ALDH1L1: variants seen among roughly 807,000 people sequenced by gnomAD.
ALDH1L1 encodes cytosolic 10-formyltetrahydrofolate dehydrogenase.
Under a neutral mutation model 101.1 loss-of-function variants are expected in ALDH1L1, and 68 were observed. The ratio of observed to expected loss-of-function variants is 0.67; its 90% CI spans 0.55 to 0.82. The LOEUF is 0.82. ALDH1L1 is among the 40% of genes least tolerant of loss of function. The probability of loss-of-function intolerance (pLI) is 0.00; values close to 1 mark genes in which losing one functional copy is unlikely to be tolerated. For missense variants in ALDH1L1, 1,087 were observed against 1,172.7 expected, an observed-to-expected ratio of 0.93 and a Z score of 1.07; for synonymous variants, 486 against 470.8, an observed-to-expected ratio of 1.03 and a Z score of -0.42.
chr3:126,150,389 C>CTGAAGT lies in ALDH1L1; in HGVS notation c.984+11_984+16dup. On this transcript the variant is annotated intron_variant, in intron 8 of 22. Coordinates refer to ENST00000393434, the MANE Select transcript of ALDH1L1 (RefSeq NM_012190.4). The stretch of plus-strand genomic sequence containing the variant: ...CAACCTGCCCAACTGGATGGCAGCC[C>CTGAAGT]TGAAGTTGCCTCTTACCCGCACAGC... The CTGAAGT allele has an allele frequency of 1.9e-6, 3 of 1,549,780 alleles. No individual in the cohort carries two copies. The highest frequency in any genetic ancestry group is 1.7e-6 in the Non-Finnish European group (2 of 1,146,230).
chr3:126,106,062 G>T, intron 21 of ALDH1L1, 137 bp from the exon 22 acceptor site: 1 of 900,862 alleles, frequency 1.1e-6, no homozygotes, highest in Non-Finnish European at 1.6e-6. Context: ...CAGCGCCGGG[G>T]GCAAGATTGG....
At chr3:126,178,762 GTGTGTC>G (rs1188995215) in intron 1 of ALDH1L1, among the ~76,000 whole-genome samples, 2 of 151,534 alleles carry the variant, frequency 1.3e-5, no homozygotes, top group African/African-American at 4.9e-5. Context: ...GTGTGTGTGT[GTGTGTC>G]TGTGTGTGCA....
intron 14 of ALDH1L1, chr3:126,129,478 G>T (rs554462999): frequency 1.3e-5 from 2 of 152,600 alleles, no homozygotes; most frequent in African/African-American, 2.4e-5. Flanking sequence ...GCGCAGTGAG[G>T]GTGGACCCAG....
intron 13 of ALDH1L1, among the ~76,000 whole-genome samples, chr3:126,130,907 G>C (rs2080287320): frequency 6.6e-6 from 1 of 152,216 alleles, no homozygotes; most frequent in Non-Finnish European, 1.5e-5. Context: ...CCTAAGGTGG[G>C]GACATAGTGC....
chr3:126,157,147 G>A (rs1420073936), intron 4 of ALDH1L1, among the ~76,000 whole-genome samples, 196 bp downstream of exon 4: 3 of 152,282 alleles, frequency 2.0e-5, no homozygotes, highest in Non-Finnish European at 4.4e-5. Context: ...TCCGTTGTGA[G>A]CAAGATTCCC....
chr3:126,177,775 C>T (rs2081390123), intron 1 of ALDH1L1, among the ~76,000 whole-genome samples: 1 of 152,204 alleles, frequency 6.6e-6, no homozygotes, highest in South Asian at 2.1e-4. Flanking sequence ...CCTGGTGGCT[C>T]ACACCTGTAA....
chr3:126,146,348 G>A (rs2080679689), intron 9 of ALDH1L1, among the ~76,000 whole-genome samples: 1 of 152,146 alleles, frequency 6.6e-6, no homozygotes, highest in African/African-American at 2.4e-5. Flanking sequence ...GCCCCCAGCT[G>A]ACCTGGCAGA....
intron 7 of ALDH1L1, chr3:126,153,235 C>T (rs2080839218): frequency 2.8e-6 from 2 of 720,500 alleles, no homozygotes; most frequent in Admixed American, 4.5e-5. Context: ...CCAGCTTTCC[C>T]AGAACAGAGA....
At chr3:126,110,157 C>G in intron 19 of ALDH1L1, 48 bp from the exon 20 acceptor site, 1 of 1,605,600 alleles carries the variant, frequency 6.2e-7, no homozygotes, top group Non-Finnish European at 8.5e-7. Context: ...GCCACAGTTT[C>G]TGACAATGAT....
At chr3:126,157,548 G>C (rs375620773) in intron 3 of ALDH1L1, 40 bp from the exon 4 acceptor site, 2 of 1,597,250 alleles carry the variant, frequency 1.3e-6, no homozygotes, top group South Asian at 2.3e-5. Context: ...CCACGATGAA[G>C]GGCCACGGAG....
rs2080417953 is a variant in ALDH1L1 at position 126,135,532 on chromosome 3, C to G, written c.1472+3G>C. The G allele has an allele frequency of 6.2e-7, 1 of 1,606,376 alleles. No homozygotes were observed. The highest frequency in any genetic ancestry group is 1.3e-5 in the African/African-American group (1 of 74,756). On this transcript the variant is annotated splice_donor_region_variant and intron_variant, in intron 12 of 22. Coordinates refer to ENST00000393434, the MANE Select transcript of ALDH1L1 (RefSeq NM_012190.4). Reference sequence around the variant, plus strand: ...GGCTGGCAGGTACATGTTGGGCTCCCACCTGTACATCAGCCGGCCCCGGTC... The same window carrying G: ...GGCTGGCAGGTACATGTTGGGCTCCGACCTGTACATCAGCCGGCCCCGGTC...
intron 5 of ALDH1L1, among the ~76,000 whole-genome samples, chr3:126,155,075 C>A (rs987143774): frequency 3.3e-5 from 5 of 152,178 alleles, no homozygotes; most frequent in Admixed American, 6.5e-5. Context: ...GTCCCTCACA[C>A]CTTGCCTTGA....
In ALDH1L1 at chr3:126,136,824, C is replaced by A. The variant is rs760711067; in HGVS notation, c.1284G>T (p.Gly428=). ...TGGCGCCCTCGGCATCCACGAACTC[C>A]CCCCCAATGAAGAGCTGGTGGGGCA... ...VRMPHQLFIG[G]EFVDAEGAKT... The change falls in exon 11 of 23, where the codon GGG becomes GGT. Residue 428 remains glycine (G), a synonymous_variant. Coordinates refer to ENST00000393434, the MANE Select transcript of ALDH1L1 (RefSeq NM_012190.4). 2.5e-6 allele frequency: 4 copies of A among 1,609,182 alleles called. No individual in the cohort carries two copies. The African/African-American group carries it at 4.0e-5, about 16-fold the overall frequency.
Position 126,157,687 on chromosome 3 carries a change from G to A in ALDH1L1, c.363-179C>T, listed in dbSNP as rs551562285. On this transcript the variant is annotated intron_variant, in intron 3 of 22. Coordinates refer to ENST00000393434, the MANE Select transcript of ALDH1L1 (RefSeq NM_012190.4). ...CAGCATGTATTGATAACAACCATGG[G>A]CCAGGAATTGTGCTAAAAGCTCTAT... is the stretch of plus-strand genomic sequence containing the variant. Among the ~76,000 whole-genome samples the A allele has an allele frequency of 2.0e-5, 3 of 152,296 alleles. No individual in the cohort carries two copies. The South Asian group carries it at 6.2e-4, about 32-fold the overall frequency.
intron 14 of ALDH1L1, among the ~76,000 whole-genome samples, chr3:126,127,773 G>A (rs149400929): frequency 9.2e-5 from 14 of 152,328 alleles, no homozygotes; most frequent in Admixed American, 5.9e-4. Flanking sequence ...GGGTGGACCC[G>A]GGGCTGGGGC....
At chr3:126,178,445 C>T (rs753843912) in intron 1 of ALDH1L1, among the ~76,000 whole-genome samples, 11 of 149,402 alleles carry the variant, frequency 7.4e-5, no homozygotes, top group Middle Eastern at 3.5e-3. Flanking sequence ...TAGGAGAAAG[C>T]GCGCAGGAAG....
chr3:126,131,355 C>A, intron 13 of ALDH1L1, 29 bp downstream of exon 13: 1 of 1,565,702 alleles, frequency 6.4e-7, no homozygotes, highest in South Asian at 1.2e-5. Context: ...TCTGCATGTG[C>A]TCACACTGGG....
chr3:126,157,213 G>T, intron 4 of ALDH1L1, 130 bp downstream of exon 4: 1 of 1,143,020 alleles, frequency 8.7e-7, no homozygotes, highest in Non-Finnish European at 1.2e-6. Flanking sequence ...TGAAGTGAGA[G>T]CTCCTCTCCC....
chr3:126,173,307 G>A (rs990380926), intron 1 of ALDH1L1, among the ~76,000 whole-genome samples: 1 of 152,104 alleles, frequency 6.6e-6, no homozygotes, highest in Non-Finnish European at 1.5e-5. Flanking sequence ...AATAAGGCAT[G>A]GGAGGGAGGA....
Sources: allele counts gnomAD v4.1 joint callset (sites outside exome capture counted in the v4.1 genomes callset), GRCh38; gene constraint gnomAD v4.1.1; transcripts MANE v1.5; gene names NCBI Gene and HGNC (gene_info 2026-07-23, HGNC 2026-07-21).